GMDS: variants seen among roughly 807,000 people sequenced by gnomAD.
GMDS encodes GDP-mannose 4,6-dehydratase, also known as GDP-mannose 4,6 dehydratase.
GMDS carries 20 observed loss-of-function variants against 49.9 expected under a neutral mutation model. The ratio of observed to expected loss-of-function variants is 0.40; its 90% confidence interval spans 0.28 to 0.58. The LOEUF (loss-of-function observed/expected upper bound fraction) is 0.58, where lower values mean the gene tolerates loss of function less well. GMDS is among the 20% of genes least tolerant of loss of function. GMDS has a pLI of 0.42. For missense variants in GMDS, 362 were observed against 481.4 expected (o/e 0.75, Z 2.32); for synonymous variants, 177 against 178.6 (o/e 0.99, Z 0.07).
At chr6:1,908,816 T>C (rs1439574089) in intron 7 of GMDS, among the ~76,000 whole-genome samples, 1 of 152,200 alleles carries the variant, frequency 6.6e-6, no homozygotes, top group African/African-American at 2.4e-5. Flanking sequence ...TTTATGTAGC[T>C]AAAGATTAGA....
chr6:1,757,963 T>C (rs1768014077), intron 7 of GMDS, among the ~76,000 whole-genome samples: 1 of 152,246 alleles, frequency 6.6e-6, no homozygotes, highest in Non-Finnish European at 1.5e-5. Context: ...TCCTTTTCTA[T>C]GTACCAAGAC....
intron 7 of GMDS, among the ~76,000 whole-genome samples, chr6:1,863,906 T>C (rs1190786670): frequency 6.6e-6 from 1 of 152,136 alleles, no homozygotes; most frequent in Non-Finnish European, 1.5e-5. Context: ...GTTTAATATA[T>C]ATTTTCTAAT....
chr6:1,815,259 A>G (rs1470812602), intron 7 of GMDS, among the ~76,000 whole-genome samples: 1 of 152,218 alleles, frequency 6.6e-6, no homozygotes. Context: ...GCAGGCTTAG[A>G]GTCTCAATTA....
rs753645047 is a variant in GMDS at position 1,960,838 on chromosome 6, A to G, written c.474T>C (p.Leu158=). 1.2e-6 allele frequency: 2 copies of G among 1,611,780 alleles called. No homozygotes were observed. Among genetic ancestry groups the G allele is most frequent in the Admixed American group, 3.3e-5 (2 of 59,988 alleles). ...GGGGTATTTCCTGCACTTTCCCATA[A>G]AGTTCACTTGTTGAGGCTTGGTAGA... The part of the protein sequence containing the change: ...VKFYQASTSE[L]YGKVQEIPQK... The change falls in exon 5 of 11, where the codon CTT becomes CTC. Residue 158 remains leucine, a synonymous_variant. Coordinates refer to ENST00000380815, the MANE Select transcript of GMDS (RefSeq NM_001500.4).
At chr6:2,172,798 T>A (rs1778084751) in intron 1 of GMDS, among the ~76,000 whole-genome samples, 1 of 152,178 alleles carries the variant, frequency 6.6e-6, no homozygotes, top group African/African-American at 2.4e-5. Flanking sequence ...CACCTCAGTC[T>A]GACCTACTGT....
rs372336104 is a variant in GMDS at position 1,984,444 on chromosome 6, A to C, written c.346-23478T>G. Among the ~76,000 whole-genome samples, 33 of 152,000 alleles carry C rather than the reference A, an allele frequency of 2.2e-4. No individual in the cohort carries two copies. The South Asian group carries it at 6.5e-3, about 30-fold the overall frequency. ...AGAGAAATAGCCAGTGAGTAATCTA[A>C]TGAGAGGTATAATTAAGAAACAGGG... On this transcript the variant is annotated intron_variant, in intron 4 of 10. Coordinates refer to ENST00000380815, the MANE Select transcript of GMDS (RefSeq NM_001500.4).
At chr6:1,894,137 C>T (rs1000978092) in intron 7 of GMDS, among the ~76,000 whole-genome samples, 1 of 152,204 alleles carries the variant, frequency 6.6e-6, no homozygotes, top group African/African-American at 2.4e-5. Flanking sequence ...TCACATTTTT[C>T]TTCAACAAAA....
At chr6:1,915,326 G>A (rs1007128202) in intron 7 of GMDS, among the ~76,000 whole-genome samples, 2 of 152,224 alleles carry the variant, frequency 1.3e-5, no homozygotes, top group Non-Finnish European at 2.9e-5. Flanking sequence ...GACAAGGCGG[G>A]AAATGGCCAA....
intron 1 of GMDS, among the ~76,000 whole-genome samples, chr6:2,208,194 A>G (rs1342915460): frequency 6.6e-6 from 1 of 152,188 alleles, no homozygotes; most frequent in Non-Finnish European, 1.5e-5. Context: ...TGACCTAGGT[A>G]GCCTCCTTCT....
intron 4 of GMDS, among the ~76,000 whole-genome samples, chr6:2,105,733 T>C (rs1488607636): frequency 1.3e-5 from 2 of 152,188 alleles, no homozygotes; most frequent in Non-Finnish European, 2.9e-5. Flanking sequence ...ATGAAATATA[T>C]GGAATGGGAG....
At chr6:1,878,129 T>G (rs548907790) in intron 7 of GMDS, among the ~76,000 whole-genome samples, 3 of 151,890 alleles carry the variant, frequency 2.0e-5, no homozygotes, top group Admixed American at 6.6e-5. Context: ...CTGGCTAACA[T>G]GGTGAAACCC....
chr6:1,848,279 C>T (rs1410518185), intron 7 of GMDS, among the ~76,000 whole-genome samples: 1 of 152,112 alleles, frequency 6.6e-6, no homozygotes, highest in Non-Finnish European at 1.5e-5. Flanking sequence ...GGCCCTGTTT[C>T]CAACCTCTGT....
chr6:1,962,781 A>G (rs1489203583), intron 4 of GMDS, among the ~76,000 whole-genome samples: 2 of 151,440 alleles, frequency 1.3e-5, no homozygotes, highest in Non-Finnish European at 2.9e-5. Flanking sequence ...ATATACATAC[A>G]TATATATATA....
intron 4 of GMDS, among the ~76,000 whole-genome samples, chr6:2,089,212 T>A (rs972155677): frequency 2.6e-5 from 4 of 152,070 alleles, no homozygotes; most frequent in Non-Finnish European, 5.9e-5. Flanking sequence ...TACAAGGAAA[T>A]CAAAAGTCAT....
intron 4 of GMDS, among the ~76,000 whole-genome samples, chr6:2,008,012 A>C (rs1767307543): frequency 1.3e-5 from 2 of 152,200 alleles, no homozygotes; most frequent in Non-Finnish European, 2.9e-5. Flanking sequence ...AAAATATACT[A>C]TGACCTCATG....
At chr6:1,681,958 G>A (rs1315202703) in intron 9 of GMDS, among the ~76,000 whole-genome samples, 1 of 151,794 alleles carries the variant, frequency 6.6e-6, no homozygotes, top group African/African-American at 2.4e-5. Context: ...GCCTCCCAAA[G>A]TGTTGGGATT....
chr6:2,090,660 T>C (rs1024906070), intron 4 of GMDS, among the ~76,000 whole-genome samples: 6 of 152,154 alleles, frequency 3.9e-5, no homozygotes, highest in African/African-American at 1.4e-4. Flanking sequence ...TACAGTGGAA[T>C]AAAAACCAAA....
At chr6:1,929,710 G>A (rs1480183760) in intron 7 of GMDS, among the ~76,000 whole-genome samples, 4 of 152,152 alleles carry the variant, frequency 2.6e-5, no homozygotes, top group Admixed American at 2.6e-4. Flanking sequence ...GTAGAATAAT[G>A]TAAGTCCAAG....
chr6:1,772,255 A>G (rs1768608053), intron 7 of GMDS, among the ~76,000 whole-genome samples: 1 of 152,212 alleles, frequency 6.6e-6, no homozygotes. Context: ...AGGGTAGGAC[A>G]AGGAAGGAAT....
Sources: gnomAD v4.1 joint callset for allele counts (sites outside exome capture counted in the v4.1 genomes callset) on GRCh38, gnomAD v4.1.1 for gene constraint, MANE v1.5 for transcripts, NCBI Gene and HGNC (gene_info 2026-07-23, HGNC 2026-07-21) for gene names.